Variants in BANK1 observed in about 807,000 individuals in gnomAD.
The protein encoded by BANK1 is B-cell scaffold protein with ankyrin repeats.
Under a neutral mutation model 94.5 loss-of-function variants are expected in BANK1, and 95 were observed. The ratio of observed to expected loss-of-function variants is 1.00; its 90% CI spans 0.85 to 1.19. BANK1 has a LOEUF of 1.19. Ranked by LOEUF, BANK1 falls within the 50% of genes most tolerant of loss-of-function variation. The pLI is 0.00. For missense variants in BANK1, 987 were observed against 932.2 expected (o/e 1.06, Z -0.77); for synonymous variants, 334 against 308.4 (o/e 1.08, Z -0.87).
At chr4:101,837,562 A>T (rs1459619865) in intron 2 of BANK1, among the ~76,000 whole-genome samples, 1 of 152,234 alleles carries the variant, frequency 6.6e-6, no homozygotes, top group Admixed American at 6.5e-5. Context: ...CTAAGGTTTC[A>T]AGGATTTTTC....
intron 7 of BANK1, among the ~76,000 whole-genome samples, chr4:102,021,057 T>C (rs1376080263): frequency 6.6e-6 from 1 of 152,166 alleles, no homozygotes; most frequent in African/African-American, 2.4e-5. Context: ...GATTTATTTC[T>C]TTTTTGTAAA....
At chr4:101,834,475 G>T (rs1462766211) in intron 2 of BANK1, among the ~76,000 whole-genome samples, 2 of 152,134 alleles carry the variant, frequency 1.3e-5, no homozygotes, top group Non-Finnish European at 2.9e-5. Context: ...TCTCCAAACT[G>T]CATAAAATAA....
chr4:101,840,838 C>G (rs1321799238), intron 2 of BANK1, among the ~76,000 whole-genome samples: 2 of 152,088 alleles, frequency 1.3e-5, no homozygotes, highest in Non-Finnish European at 2.9e-5. Flanking sequence ...TCTCCCCCAC[C>G]GAGCTGGTCT....
intron 7 of BANK1, among the ~76,000 whole-genome samples, chr4:101,993,607 T>G (rs1321360148): frequency 6.6e-6 from 1 of 152,176 alleles, no homozygotes; most frequent in African/African-American, 2.4e-5. Context: ...GATAGAGCAC[T>G]TTATGGTATG....
intron 7 of BANK1, among the ~76,000 whole-genome samples, chr4:101,953,100 C>G (rs961499936): frequency 6.6e-6 from 1 of 152,220 alleles, no homozygotes; most frequent in South Asian, 2.1e-4. Context: ...TTAATTCTTA[C>G]ACCAAGGCTG....
intron 7 of BANK1, among the ~76,000 whole-genome samples, chr4:101,943,667 G>C (rs1057143449): frequency 1.3e-5 from 2 of 151,894 alleles, no homozygotes; most frequent in African/African-American, 4.8e-5. Context: ...CTAGTAGGCA[G>C]TTCTGGGCTG....
Position 101,804,102 on chromosome 4 carries a change from T to C in BANK1, c.70+13152T>C, listed in dbSNP as rs531056857. Among the ~76,000 whole-genome samples the C allele has an allele frequency of 4.0e-5, 6 of 151,856 alleles. No individual in the cohort carries two copies. In the South Asian group the frequency reaches 1.2e-3, roughly 31 times the overall value. ...ATGTCGATACTAGTCTGTTTTATTA[T>C]TTACTACCTTAAAATACATACAAAT... On this transcript the variant is annotated intron_variant, in intron 1 of 16. Transcript: ENST00000322953.
chr4:101,909,312 C>T (rs559883267), intron 6 of BANK1, among the ~76,000 whole-genome samples: 22 of 152,166 alleles, frequency 1.4e-4, no homozygotes, highest in African/African-American at 4.3e-4. Context: ...AAACACTGCA[C>T]GTTCTCACTC....
In BANK1 at chr4:101,930,998, C is replaced by G. The variant is rs547712655; in HGVS notation, c.1206+12809C>G. Among the ~76,000 whole-genome samples, 4 of 151,640 alleles carry G rather than the reference C, an allele frequency of 2.6e-5. No homozygotes were observed. The East Asian group carries it at 7.8e-4, about 30-fold the overall frequency. On this transcript the variant is annotated intron_variant, in intron 7 of 16. Coordinates refer to ENST00000322953, the MANE Select transcript of BANK1 (RefSeq NM_017935.5). Reference sequence around the variant, plus strand: ...TGTTTTATGCAGATGGACTAAAGCACCTCTCAGAATCCAGTAAAAGAAAAT... The same window carrying G: ...TGTTTTATGCAGATGGACTAAAGCAGCTCTCAGAATCCAGTAAAAGAAAAT...
At position 102,047,538 on chromosome 4, in the gene BANK1, G is replaced by A. The variant is rs375019230; in HGVS notation, c.1969+3631G>A. Among the ~76,000 whole-genome samples, 20 of 152,012 alleles carry A rather than the reference G, an allele frequency of 1.3e-4. 1 individual carries two copies. The highest frequency in any genetic ancestry group is 6.6e-4 in the Admixed American group (10 of 15,246). ...GTACAATTAGGATCAGAACAGCTAC[G>A]AAAGAATTAAACAAAGTAGATAAGA... On this transcript the variant is annotated intron_variant, in intron 11 of 16. Coordinates refer to ENST00000322953, the MANE Select transcript of BANK1 (RefSeq NM_017935.5).
chr4:101,889,625 AAAAG>A (rs1721775181), intron 5 of BANK1, among the ~76,000 whole-genome samples: 1 of 150,886 alleles, frequency 6.6e-6, no homozygotes, highest in Admixed American at 6.6e-5. Flanking sequence ...AAAAAAAAAA[AAAAG>A]AATCACTTGT....
chr4:101,869,483 A>G (rs541571968), intron 4 of BANK1, among the ~76,000 whole-genome samples: 3 of 151,890 alleles, frequency 2.0e-5, no homozygotes, highest in Non-Finnish European at 4.4e-5. Context: ...TCTACTCAAG[A>G]AATATGAGGA....
chr4:101,847,275 T>C (rs1560599322), intron 2 of BANK1, among the ~76,000 whole-genome samples: 1 of 151,862 alleles, frequency 6.6e-6, no homozygotes, highest in Non-Finnish European at 1.5e-5. Flanking sequence ...GCACTAAGAA[T>C]AGTACTGGCA....
At chr4:101,976,575 G>A (rs148823076) in intron 7 of BANK1, among the ~76,000 whole-genome samples, 2 of 152,026 alleles carry the variant, frequency 1.3e-5, no homozygotes, top group Non-Finnish European at 2.9e-5. Flanking sequence ...GGAAATTTTG[G>A]ATAATAAAGA....
chr4:101,963,348 A>G (rs1354926568), intron 7 of BANK1, among the ~76,000 whole-genome samples: 1 of 152,126 alleles, frequency 6.6e-6, no homozygotes, highest in Admixed American at 6.6e-5. Flanking sequence ...TTTGGACATC[A>G]TTACAAAATG....
At chr4:101,811,675 A>G (rs1367447838) in intron 1 of BANK1, among the ~76,000 whole-genome samples, 4 of 152,140 alleles carry the variant, frequency 2.6e-5, no homozygotes, top group Non-Finnish European at 5.9e-5. Context: ...CATTTGTCAA[A>G]CAGGGACATT....
intron 1 of BANK1, among the ~76,000 whole-genome samples, chr4:101,821,074 A>G (rs1173363425): frequency 6.6e-6 from 1 of 152,214 alleles, no homozygotes; most frequent in East Asian, 1.9e-4. Context: ...CCAACACTGT[A>G]TAAGTTTTCC....
At chr4:101,865,642 T>C (rs1728041069) in intron 4 of BANK1, among the ~76,000 whole-genome samples, 1 of 152,158 alleles carries the variant, frequency 6.6e-6, no homozygotes, top group South Asian at 2.1e-4. Flanking sequence ...GGGGAAGGTA[T>C]GCCACAGCAA....
intron 7 of BANK1, among the ~76,000 whole-genome samples, chr4:101,926,003 C>T (rs1295670439): frequency 1.3e-5 from 2 of 151,682 alleles, no homozygotes; most frequent in Non-Finnish European, 3.0e-5. Context: ...TATGCAAAGG[C>T]AATTGAATTA....
Sources: gnomAD v4.1 joint callset for allele counts (sites outside exome capture counted in the v4.1 genomes callset) on GRCh38, gnomAD v4.1.1 for gene constraint, MANE v1.5 for transcripts, NCBI Gene and HGNC (gene_info 2026-07-23, HGNC 2026-07-21) for gene names.